VWF: variants seen among roughly 807,000 people sequenced by gnomAD.
VWF encodes Factor VIII related antigen.
VWF carries 176 observed loss-of-function variants against 308.6 expected under a neutral mutation model. The observed-to-expected ratio is 0.57, with a 90% CI of 0.50 to 0.65. The LOEUF (loss-of-function observed/expected upper bound fraction) is 0.65, where lower values mean the gene tolerates loss of function less well. Ranked by LOEUF, VWF falls within the 30% of genes least tolerant of loss-of-function variation. The pLI, the probability that VWF is intolerant of heterozygous loss-of-function variation, is 0.00. For synonymous variants in VWF, 1,385 were observed against 1,443.4 expected, an observed-to-expected ratio of 0.96 and a Z score of 0.92; for missense variants, 3,146 against 3,648.2, an observed-to-expected ratio of 0.86 and a Z score of 3.55.
intron 34 of VWF, among the ~76,000 whole-genome samples, chr12:5,999,151 C>G (rs1323595109): frequency 6.6e-6 from 1 of 152,154 alleles, no homozygotes; most frequent in Non-Finnish European, 1.5e-5. Flanking sequence ...CCAAGGAGAA[C>G]TGAAAAGAAG....
chr12:6,078,455 GTCAT>G (rs1944869295), intron 6 of VWF, among the ~76,000 whole-genome samples: 1 of 152,192 alleles, frequency 6.6e-6, no homozygotes, highest in Admixed American at 6.5e-5. Flanking sequence ...CATCAAAAAT[GTCAT>G]TCAGAGAATT....
chr12:6,000,153 A>C (rs1943854501), intron 34 of VWF, among the ~76,000 whole-genome samples: 1 of 152,178 alleles, frequency 6.6e-6, no homozygotes, highest in South Asian at 2.1e-4. Context: ...AAAGAACCAA[A>C]TCTATGTATG....
At chr12:6,009,908 C>T (rs201688931) in intron 34 of VWF, among the ~76,000 whole-genome samples, 1 of 152,022 alleles carries the variant, frequency 6.6e-6, no homozygotes. Flanking sequence ...AATCCACTTA[C>T]AGGAGGTATC....
intron 34 of VWF, among the ~76,000 whole-genome samples, chr12:6,002,604 C>T (rs1267527691): frequency 2.0e-5 from 3 of 151,694 alleles, no homozygotes; most frequent in Non-Finnish European, 4.4e-5. Flanking sequence ...AGATAAAAGA[C>T]AAATCTTAAG....
intron 43 of VWF, among the ~76,000 whole-genome samples, chr12:5,972,114 G>A (rs1327715443): frequency 6.6e-6 from 1 of 152,192 alleles, no homozygotes; most frequent in Non-Finnish European, 1.5e-5. Context: ...CGCAGGGCTA[G>A]CCTCCCATAC....
At chr12:6,115,664 C>T (rs141198155) in intron 3 of VWF, among the ~76,000 whole-genome samples, 53 of 152,286 alleles carry the variant, frequency 3.5e-4, no homozygotes, top group African/African-American at 1.1e-3. Flanking sequence ...ATTTTACAGA[C>T]GGAGAAACGA....
rs576425551 is a variant in VWF, at chr12:6,020,865, C to G, written c.3674+1035G>C. ...GTGCACCGTGGCAGCTGCCCCTGCC[C>G]GTGTGCCAGCAAAGGAGGTGGGGAG... On this transcript the variant is annotated intron_variant, in intron 27 of 51. Coordinates refer to ENST00000261405, the MANE Select transcript of VWF (RefSeq NM_000552.5). This position sits in a 1 kb window ranked among gnomAD's most constrained non-coding sequence, Gnocchi z 4.3. 1.3e-5 allele frequency among the ~76,000 whole-genome samples: 2 copies of G among 152,350 alleles called. No individual in the cohort carries two copies. Among genetic ancestry groups the G allele is most frequent in the South Asian group, 4.1e-4 (2 of 4,834 alleles).
chr12:5,965,834 T>C (rs1943395717), intron 47 of VWF, among the ~76,000 whole-genome samples: 1 of 152,070 alleles, frequency 6.6e-6, no homozygotes, highest in Non-Finnish European at 1.5e-5. Context: ...TCAGCAAGGC[T>C]TGAGAGATGC....
chr12:6,108,385 A>G (rs1353852023), intron 5 of VWF, among the ~76,000 whole-genome samples: 1 of 150,700 alleles, frequency 6.6e-6, no homozygotes, highest in Non-Finnish European at 1.5e-5. Context: ...ATTTGACAGA[A>G]TTACATGAAG....
chr12:6,009,462 C>T (rs1378513133), intron 34 of VWF, among the ~76,000 whole-genome samples: 10 of 140,208 alleles, frequency 7.1e-5, no homozygotes, highest in African/African-American at 2.6e-4. Context: ...CACACACACA[C>T]ACCAGGAAAT....
chr12:5,951,156 T>C (rs1186917361), intron 50 of VWF, among the ~76,000 whole-genome samples: 1 of 152,204 alleles, frequency 6.6e-6, no homozygotes. Context: ...ATTGGGATCC[T>C]GAAAGTTATT....
At chr12:6,015,265 T>C (rs972306539) in intron 31 of VWF, among the ~76,000 whole-genome samples, 1 of 152,198 alleles carries the variant, frequency 6.6e-6, no homozygotes, top group African/African-American at 2.4e-5. Flanking sequence ...AACTCCCAGT[T>C]TTTTGCAAGG....
rs1944261701 is a variant in VWF at position 6,031,481 on chromosome 12, A to G, written c.2783T>C (p.Leu928Pro). The change falls in exon 21 of 52, where the codon CTG (leucine) becomes CCG (proline). Residue 928 changes from leucine (L) to proline (P), a missense_variant. Around this residue, in one of 3 missense-constraint regions of VWF, gnomAD observed 1,304 missense variants for 1,353.0 expected, o/e 0.96. Transcript: ENST00000261405. Reference sequence around the variant, plus strand: ...CAGCTCAATCTCTCCTCCCTCCACCAGGATGGTGACCCGTTTCTTGCATTT... The same window carrying G: ...CAGCTCAATCTCTCCTCCCTCCACCGGGATGGTGACCCGTTTCTTGCATTT... The part of the protein sequence containing the change: ...SVKCKKRVTI[L>P]VEGGEIELFD... The G allele has an allele frequency of 6.2e-7, 1 of 1,614,054 alleles. No individual in the cohort carries two copies. The highest frequency in any genetic ancestry group is 8.5e-7 in the Non-Finnish European group (1 of 1,180,028).
intron 18 of VWF, among the ~76,000 whole-genome samples, chr12:6,041,329 C>T (rs958463702): frequency 6.6e-6 from 1 of 151,650 alleles, no homozygotes; most frequent in African/African-American, 2.4e-5. Flanking sequence ...ACTCAGAAGG[C>T]TGAGGCAGGA....
At chr12:5,993,350 T>C (rs1248000692) in intron 37 of VWF, among the ~76,000 whole-genome samples, 3 of 152,148 alleles carry the variant, frequency 2.0e-5, no homozygotes, top group African/African-American at 7.2e-5. Context: ...GCACTAGCAA[T>C]CCTGCAGTGT....
chr12:6,064,492 C>A (rs1383621488), intron 11 of VWF, 108 bp from the exon 12 acceptor site: 2 of 1,494,572 alleles, frequency 1.3e-6, no homozygotes, highest in East Asian at 2.4e-5. Flanking sequence ...AGCCTCTGGC[C>A]TTCTCATAAC....
chr12:5,958,253 T>A (rs78663916), intron 47 of VWF, among the ~76,000 whole-genome samples: 1 of 152,174 alleles, frequency 6.6e-6, no homozygotes, highest in Non-Finnish European at 1.5e-5. Flanking sequence ...TAAATGGAGA[T>A]TGTCACCTTT....
chr12:5,963,945 C>T (rs150937993), intron 47 of VWF, among the ~76,000 whole-genome samples: 2,384 of 152,242 alleles, frequency 0.016, 65 homozygotes, highest in African/African-American at 0.054. Flanking sequence ...CAGTGGCTCA[C>T]GCCTGTAATC....
chr12:5,955,377 C>G (rs1358206614), intron 47 of VWF, among the ~76,000 whole-genome samples: 2 of 151,894 alleles, frequency 1.3e-5, no homozygotes, highest in South Asian at 2.1e-4. Flanking sequence ...CTCCCCCCAC[C>G]CCACACCAGT....
Sources: allele counts gnomAD v4.1 joint callset (sites outside exome capture counted in the v4.1 genomes callset), GRCh38; gene constraint gnomAD v4.1.1; regional missense constraint gnomAD v4.1.1; non-coding constraint Gnocchi (gnomAD v3.1); transcripts MANE v1.5; gene names NCBI Gene and HGNC (gene_info 2026-07-23, HGNC 2026-07-21).